Variants in AFF2 observed in about 807,000 individuals in gnomAD.
AFF2 encodes AF4/FMR2 family member 2.
AFF2 carries 14 observed loss-of-function variants against 76.9 expected under a neutral mutation model. That is an observed-to-expected ratio of 0.18 (90% confidence interval 0.12 to 0.28). The LOEUF (loss-of-function observed/expected upper bound fraction) is 0.28, where lower values mean the gene tolerates loss of function less well. AFF2 is among the 10% of genes least tolerant of loss of function. The pLI, the probability that AFF2 is intolerant of heterozygous loss-of-function variation, is 1.00. For missense variants in AFF2, 868 were observed against 1,001.1 expected, an observed-to-expected ratio of 0.87 and a Z score of 1.79; for synonymous variants, 398 against 366.7, an observed-to-expected ratio of 1.09 and a Z score of -0.98.
At chrX:148,517,531 A>G (rs1329083919) in intron 1 of AFF2, among the ~76,000 whole-genome samples, 4 of 111,589 alleles carry the variant, frequency 3.6e-5, no homozygotes, top group Non-Finnish European at 5.7e-5. Flanking sequence ...CATTTTTTTC[A>G]CTTGTTGTAC....
rs1569557756 is a variant in AFF2 at position 148,962,873 on chromosome X, C to T, written c.2849C>T (p.Thr950Ile). 4.1e-6 allele frequency: 5 copies of T among 1,210,371 alleles called. No homozygotes were observed. Among genetic ancestry groups the T allele is most frequent in the Non-Finnish European group, 4.5e-6 (4 of 894,083 alleles). The part of the protein sequence containing the change: ...DKNIAMTGQI[T>I]STKPKRTEGK... Reference sequence around the variant, plus strand: ...AACATCGCCATGACTGGACAAATCACATCTACCAAACCTAAGAGAACTGAA... The same window carrying T: ...AACATCGCCATGACTGGACAAATCATATCTACCAAACCTAAGAGAACTGAA... Residue 950 changes from threonine to isoleucine, a missense_variant, in exon 13 of 21, where the codon ACA becomes ATA. By Grantham distance (89) the Thr-to-Ile change is moderately conservative. Around this residue, in one of 6 missense-constraint regions of AFF2, gnomAD observed 532 missense variants for 564.2 expected, o/e 0.94. Coordinates refer to ENST00000370460, the MANE Select transcript of AFF2 (RefSeq NM_002025.4).
At chrX:148,929,073 T>C (rs1356113277) in intron 9 of AFF2, among the ~76,000 whole-genome samples, 1 of 112,397 alleles carries the variant, frequency 8.9e-6, no homozygotes, top group African/African-American at 3.2e-5. Context: ...CATGTCCTCT[T>C]AGACTGGAGG....
intron 3 of AFF2, among the ~76,000 whole-genome samples, chrX:148,737,399 C>A (rs2055297898): frequency 9.0e-6 from 1 of 111,046 alleles, no homozygotes; most frequent in South Asian, 3.8e-4. Flanking sequence ...GGGTTGAGTT[C>A]TTGATTTGAT....
At chrX:148,604,715 A>T (rs1603255790) in intron 1 of AFF2, among the ~76,000 whole-genome samples, 2 of 112,539 alleles carry the variant, frequency 1.8e-5, no homozygotes, top group East Asian at 5.6e-4. Flanking sequence ...GTGGAAATCA[A>T]TGGGAAAATG....
At chrX:148,576,293 C>T (rs1380470322) in intron 1 of AFF2, among the ~76,000 whole-genome samples, 1 of 111,524 alleles carries the variant, frequency 9.0e-6, no homozygotes, top group Non-Finnish European at 1.9e-5. Context: ...CTGTTTTAGG[C>T]AAGGCAGCCA....
chrX:148,766,389 T>A (rs1308868513), intron 3 of AFF2, among the ~76,000 whole-genome samples: 15 of 110,190 alleles, frequency 1.4e-4, no homozygotes, highest in African/African-American at 5.0e-4. Flanking sequence ...TTTTTAATGA[T>A]CGCCATTCTA....
At chrX:148,851,678 C>G (rs1557275363) in intron 7 of AFF2, among the ~76,000 whole-genome samples, 1 of 111,754 alleles carries the variant, frequency 8.9e-6, no homozygotes, top group African/African-American at 3.3e-5. Flanking sequence ...GCATAAGAAG[C>G]CCACTTTATA....
At chrX:148,740,784 G>A (rs988989333) in intron 3 of AFF2, among the ~76,000 whole-genome samples, 3 of 112,137 alleles carry the variant, frequency 2.7e-5, no homozygotes, top group African/African-American at 9.7e-5. Flanking sequence ...GGCTCTGTCA[G>A]AGGGAAGGTC....
chrX:148,584,127 A>T (rs948570822), intron 1 of AFF2, among the ~76,000 whole-genome samples: 2 of 111,716 alleles, frequency 1.8e-5, no homozygotes, highest in South Asian at 3.7e-4. Context: ...TAAAAAAAAC[A>T]CTGTGAAACA....
rs782622314 is a variant in AFF2, at chrX:148,996,613, T to A, written c.*5281T>A. 4 of 112,152 alleles carry A rather than the reference T, an allele frequency of 3.6e-5. No homozygotes were observed. Among genetic ancestry groups the A allele is most frequent in the Non-Finnish European group, 7.5e-5 (4 of 53,236 alleles). The allele number at this position is 112,152 out of a possible 1,213,427, so 9.2% of individuals were successfully genotyped here. A position where few individuals can be genotyped will look rare whatever the true frequency, so the allele number is the denominator to read the frequency against. On this transcript the variant is annotated 3_prime_UTR_variant, in exon 21 of 21. Coordinates refer to ENST00000370460, the MANE Select transcript of AFF2 (RefSeq NM_002025.4). ...CACACACTTCGATGACTAAAACAATTACATAGTTTTAAGATATGAATCAAT... is the reference window on the plus strand; with the variant it reads ...CACACACTTCGATGACTAAAACAATAACATAGTTTTAAGATATGAATCAAT...
At chrX:148,984,149 G>C (rs112102073) in intron 19 of AFF2, among the ~76,000 whole-genome samples, 2,582 of 109,538 alleles carry the variant, frequency 0.024, 63 homozygotes, top group African/African-American at 0.075. Context: ...TTTTAGAGAA[G>C]GATGATGGTA....
At chrX:148,770,576 T>C (rs1200473598) in intron 3 of AFF2, among the ~76,000 whole-genome samples, 1 of 111,421 alleles carries the variant, frequency 9.0e-6, no homozygotes. Flanking sequence ...ATAAGTGATA[T>C]TGTACAGCAG....
At chrX:148,971,747 C>CTTTTTTTTTTTTTTTTTTTTTTTT (rs781928514) in intron 15 of AFF2, among the ~76,000 whole-genome samples, 5 of 44,727 alleles carry the variant, frequency 1.1e-4, no homozygotes, top group Admixed American at 3.3e-4. Flanking sequence ...TTTTCTATTT[C>CTTTTTTTTTTTTTTTTTTTTTTTT]TTTTTTTTTT....
chrX:148,785,148 G>A (rs185712498), intron 3 of AFF2, among the ~76,000 whole-genome samples: 2 of 112,341 alleles, frequency 1.8e-5, no homozygotes, highest in African/African-American at 6.5e-5. Context: ...TATACACAGA[G>A]TCACACAGAA....
intron 1 of AFF2, among the ~76,000 whole-genome samples, chrX:148,605,607 A>C (rs2053664653): frequency 2.7e-5 from 3 of 111,776 alleles, no homozygotes; most frequent in South Asian, 7.4e-4. Context: ...AAAACTGTAA[A>C]CTAAACCTAT....
chrX:148,966,690 TTTGC>T, intron 13 of AFF2, 96 bp from the exon 14 acceptor site: 1 of 1,110,409 alleles, frequency 9.0e-7, no homozygotes, highest in Non-Finnish European at 1.2e-6. Context: ...TTTTTTTTTT[TTTGC>T]CTTCTTTCGT....
At chrX:148,755,418 G>T (rs782386860) in intron 3 of AFF2, among the ~76,000 whole-genome samples, 9 of 111,708 alleles carry the variant, frequency 8.1e-5, no homozygotes, top group Non-Finnish European at 1.7e-4. Context: ...AGCAGTCCCT[G>T]TTCAGGTTAC....
chrX:148,554,859 G>A (rs897728625), intron 1 of AFF2, among the ~76,000 whole-genome samples: 1 of 112,464 alleles, frequency 8.9e-6, no homozygotes, highest in South Asian at 3.7e-4. Context: ...CTGGATGGGA[G>A]AATGGATGGA....
intron 1 of AFF2, among the ~76,000 whole-genome samples, chrX:148,531,195 GAC>G (rs1557235835): frequency 1.8e-5 from 2 of 111,770 alleles, no homozygotes; most frequent in Non-Finnish European, 3.8e-5. Context: ...TCCCCCATCT[GAC>G]ACAGTCTTCA....
Sources: gnomAD v4.1 joint callset for allele counts (sites outside exome capture counted in the v4.1 genomes callset) on GRCh38, gnomAD v4.1.1 for gene constraint, gnomAD v4.1.1 regional missense constraint, MANE v1.5 for transcripts, NCBI Gene and HGNC (gene_info 2026-07-23, HGNC 2026-07-21) for gene names.